CES1: variants seen among roughly 807,000 people sequenced by gnomAD.
CES1 encodes the protein liver carboxylesterase 1.
CES1 carries 50 observed loss-of-function variants against 53.0 expected under a neutral mutation model. The observed-to-expected ratio is 0.94, with a 90% CI of 0.75 to 1.19. CES1 has a LOEUF of 1.19. Among genes scored for constraint, CES1 ranks in the 50% most tolerant of loss-of-function variants. CES1 has a pLI of 0.00. For synonymous variants in CES1, 202 were observed against 210.1 expected, an observed-to-expected ratio of 0.96 and a Z score of 0.33; for missense variants, 534 against 538.0, an observed-to-expected ratio of 0.99 and a Z score of 0.07.
chr16:55,817,970 C>T (rs1464961772), intron 7 of CES1, among the ~76,000 whole-genome samples: 2 of 152,188 alleles, frequency 1.3e-5, no homozygotes, highest in Non-Finnish European at 1.5e-5. Context: ...TCCTTCCGGG[C>T]GTTAGAAAAC....
chr16:55,818,623 T>C (rs1341381393), intron 7 of CES1, among the ~76,000 whole-genome samples: 2 of 151,952 alleles, frequency 1.3e-5, no homozygotes, highest in Non-Finnish European at 2.9e-5. Flanking sequence ...GCTGCCACCA[T>C]ACTCAACCTG....
intron 4 of CES1, among the ~76,000 whole-genome samples, chr16:55,823,189 C>T (rs1458439458): frequency 6.6e-6 from 1 of 151,134 alleles, no homozygotes; most frequent in Non-Finnish European, 1.5e-5. Flanking sequence ...TGTCAACCTT[C>T]ACCTGCTGGG....
rs532748767 is a variant in CES1 at position 55,820,104 on chromosome 16, T to C, written c.801+268A>G. ...ACAGATAGGGCACTGTACTGGCTGC[T>C]AGGGCCATGAGCTGGAGTCCCAGCT... On this transcript the variant is annotated intron_variant, in intron 6 of 13. Coordinates refer to ENST00000360526, the MANE Select transcript of CES1 (RefSeq NM_001025195.2). The C allele has an allele frequency of 2.5e-5, 15 of 593,652 alleles. No individual in the cohort carries two copies. The East Asian group carries it at 4.1e-4, about 16-fold the overall frequency. The allele number at this position is 593,652 out of a possible 1,614,324, so 36.8% of individuals were successfully genotyped here. A position where few individuals can be genotyped will look rare whatever the true frequency, so the allele number is the denominator to read the frequency against.
intron 3 of CES1, among the ~76,000 whole-genome samples, chr16:55,825,156 G>A (rs1380448785): frequency 6.6e-6 from 1 of 151,102 alleles, no homozygotes; most frequent in African/African-American, 2.5e-5. Flanking sequence ...TGTATATGGG[G>A]CACTGAGTAC....
rs190722337 is a variant in CES1 at position 55,820,649 on chromosome 16, C to T, written c.694-170G>A. 2.2e-4 allele frequency among the ~76,000 whole-genome samples: 34 copies of T among 152,222 alleles called. No individual in the cohort carries two copies. The East Asian group carries it at 3.9e-3, about 17-fold the overall frequency. On this transcript the variant is annotated intron_variant, in intron 5 of 13. Transcript: ENST00000360526. ...AGGAGGTGGAAGTCTTCCTACAGCT[C>T]CCAGCACCTCTCATCTGGGTTTTCA...
At chr16:55,818,761 T>C (rs1380151582) in intron 7 of CES1, among the ~76,000 whole-genome samples, 2 of 151,788 alleles carry the variant, frequency 1.3e-5, no homozygotes, top group East Asian at 1.9e-4. Flanking sequence ...GATGGATCAA[T>C]GGAGGGATGG....
At chr16:55,824,012 C>G (rs2032322521) in intron 3 of CES1, among the ~76,000 whole-genome samples, 1 of 152,242 alleles carries the variant, frequency 6.6e-6, no homozygotes, top group Non-Finnish European at 1.5e-5. Flanking sequence ...GAGGACACTC[C>G]CATCACCCTC....
chr16:55,817,183 A>G (rs1487818257), intron 7 of CES1, among the ~76,000 whole-genome samples: 1 of 152,216 alleles, frequency 6.6e-6, no homozygotes, highest in African/African-American at 2.4e-5. Context: ...AAACTTTTGC[A>G]GGAATTGTTT....
In CES1 at chr16:55,811,014, A is replaced by C. The variant is rs773938315; in HGVS notation, c.1087-4T>G. 1.3e-5 allele frequency: 19 copies of C among 1,470,922 alleles called. No homozygotes were observed. Among genetic ancestry groups the C allele is most frequent in the Non-Finnish European group, 1.7e-5 (18 of 1,064,156 alleles). The allele number at this position is 1,470,922 out of a possible 1,614,324, so 91.1% of individuals were successfully genotyped here. On this transcript the variant is annotated splice_region_variant and splice_polypyrimidine_tract_variant and intron_variant, in intron 9 of 13. Coordinates refer to ENST00000360526, the MANE Select transcript of CES1 (RefSeq NM_001025195.2). ...AGAGTGGATAGCTCATCAACTGCTA[A>C]AAAAAAAAAAAAGTTCAGCATTTAT...
intron 4 of CES1, among the ~76,000 whole-genome samples, chr16:55,821,839 T>C (rs867150208): frequency 1.3e-5 from 2 of 151,874 alleles, no homozygotes; most frequent in South Asian, 4.2e-4. Flanking sequence ...AACAGATACA[T>C]AGAGAGAATA....
At chr16:55,829,379 T>C (rs566325541) in intron 1 of CES1, among the ~76,000 whole-genome samples, 6 of 152,362 alleles carry the variant, frequency 3.9e-5, no homozygotes, top group Admixed American at 3.9e-4. Flanking sequence ...AAGGGTCACA[T>C]ATACACCTGG....
At chr16:55,813,249 T>A (rs576208669) in intron 8 of CES1, among the ~76,000 whole-genome samples, 13 of 152,320 alleles carry the variant, frequency 8.5e-5, no homozygotes, top group African/African-American at 3.1e-4. Context: ...GCTCAGGTGA[T>A]GAGGAGAGGA....
chr16:55,820,446 G>C lies in CES1; in HGVS notation c.727C>G (p.Arg243Gly), dbSNP rs376173751. 1 of 1,594,868 alleles carries C rather than the reference G, an allele frequency of 6.3e-7. No homozygotes were observed. Among genetic ancestry groups the C allele is most frequent in the African/African-American group, 1.3e-5 (1 of 74,110 alleles). ...LSPLAKNLFH[R>G]AISESGVALT... ...GCCACGCCACTCTCAGAAATGGCCC[G>C]GTGGAAGAGGTTCTTGGCCAATGGA... Residue 243 changes from arginine to glycine, a missense_variant, in exon 6 of 14, where the codon CGG (arginine) becomes GGG (glycine). By Grantham distance (125) the Arg-to-Gly change is moderately radical (BLOSUM62 -2). Transcript: ENST00000360526.
chr16:55,812,305 C>G (rs2031735799), intron 9 of CES1: 1 of 156,926 alleles, frequency 6.4e-6, no homozygotes, highest in Non-Finnish European at 1.4e-5. Context: ...ATTTGGGTCT[C>G]TGGAGTTTGC....
intron 4 of CES1, 36 bp from the exon 5 acceptor site, chr16:55,821,557 G>C: frequency 6.2e-7 from 1 of 1,613,486 alleles, no homozygotes; most frequent in South Asian, 1.1e-5. Flanking sequence ...GTGGGGAGCA[G>C]AGATGTCATG....
chr16:55,817,432 T>C (rs2031990470), intron 7 of CES1, among the ~76,000 whole-genome samples: 1 of 152,248 alleles, frequency 6.6e-6, no homozygotes, highest in Non-Finnish European at 1.5e-5. Context: ...TTTCTTTTTC[T>C]GTTCAAGGTA....
At chr16:55,830,825 G>GGTAA (rs2032631695) in intron 1 of CES1, among the ~76,000 whole-genome samples, 14 of 144,976 alleles carry the variant, frequency 9.7e-5, no homozygotes, top group Non-Finnish European at 1.3e-4. Context: ...AAGGAAGGCA[G>GGTAA]GCAGGCAGGC....
chr16:55,827,227 G>A (rs1287979086), intron 2 of CES1, among the ~76,000 whole-genome samples: 1 of 151,440 alleles, frequency 6.6e-6, no homozygotes, highest in African/African-American at 2.4e-5. Context: ...ATGACTTCTT[G>A]ATTCCATCCT....
At chr16:55,820,579 C>A (rs1250838332) in intron 5 of CES1, 100 bp from the exon 6 acceptor site, 3 of 1,583,406 alleles carry the variant, frequency 1.9e-6, no homozygotes, top group Non-Finnish European at 2.6e-6. Context: ...AAAACCAACA[C>A]GGGACTGAGG....
Sources: gnomAD v4.1 joint callset for allele counts (sites outside exome capture counted in the v4.1 genomes callset) on GRCh38, gnomAD v4.1.1 for gene constraint, MANE v1.5 for transcripts, NCBI Gene and HGNC (gene_info 2026-07-23, HGNC 2026-07-21) for gene names.